The following CENPL variants were observed in gnomAD, a reference collection of about 807,000 sequenced individuals.
CENPL encodes interphase centromere complex protein 33.
Under a neutral mutation model 35.2 loss-of-function variants are expected in CENPL, and 20 were observed. That is an observed-to-expected ratio of 0.57 (90% CI 0.40 to 0.83). The LOEUF is 0.83. CENPL is among the 40% of genes least tolerant of loss of function. CENPL has a pLI of 0.00. For synonymous variants in CENPL, 140 were observed against 140.6 expected, an observed-to-expected ratio of 1.00 and a Z score of 0.03; for missense variants, 363 against 395.8, an observed-to-expected ratio of 0.92 and a Z score of 0.70.
Position 173,824,715 on chromosome 1 carries a change from C to G in CENPL, c.-605G>C. ...CAGCGGCGATCTGTGTTTGGGTTCG[C>G]GCTCTGGGAGAATTTTGGCTTTGCT... On this transcript the variant is annotated 5_prime_UTR_variant, in exon 1 of 6. Transcript: ENST00000682279. 1 of 179,808 alleles carries G rather than the reference C, an allele frequency of 5.6e-6. No individual in the cohort carries two copies. Among genetic ancestry groups the G allele is most frequent in the East Asian group, 1.5e-4 (1 of 6,526 alleles). 11.1% of individuals were successfully genotyped at this position (179,808 alleles called of 1,614,324 possible). A position where few individuals can be genotyped will look rare whatever the true frequency, so the allele number is the denominator to read the frequency against.
At chr1:173,816,879 C>T (rs1274546961) in intron 2 of CENPL, among the ~76,000 whole-genome samples, 3 of 152,166 alleles carry the variant, frequency 2.0e-5, no homozygotes, top group African/African-American at 7.2e-5. Flanking sequence ...GTGGCTCACG[C>T]CTGTAATCTC....
At position 173,815,468 on chromosome 1, in the gene CENPL, C is replaced by T. The variant is rs547852999; in HGVS notation, c.-7-4162G>A. Among the ~76,000 whole-genome samples, 7 of 152,290 alleles carry T rather than the reference C, an allele frequency of 4.6e-5. No individual in the cohort carries two copies. The East Asian group carries it at 1.4e-3, about 29-fold the overall frequency. On this transcript the variant is annotated intron_variant, in intron 2 of 5. Transcript: ENST00000682279. ...TACTGGCAAACTGAATCCAGCAGCA[C>T]ATCAAAAAGCTTATCCACCATGACC... is the stretch of plus-strand genomic sequence containing the variant.
rs1557844491 is a variant in CENPL, at chr1:173,804,126, G to A, written c.421-621C>T. 2.0e-5 allele frequency among the ~76,000 whole-genome samples: 3 copies of A among 152,254 alleles called. No homozygotes were observed. The South Asian group carries it at 6.2e-4, about 32-fold the overall frequency. On this transcript the variant is annotated intron_variant, in intron 4 of 5. Coordinates refer to ENST00000682279, the MANE Select transcript of CENPL (RefSeq NM_001387287.1). ...TCAACTTTAGAAAGAACTGTGAAAG[G>A]TCACAAAATCTAACATGTTTGAATT...
At chr1:173,822,904 A>AT (rs1275572989) in intron 2 of CENPL, 3 of 151,980 alleles carry the variant, frequency 2.0e-5, no homozygotes, top group African/African-American at 7.3e-5. Flanking sequence ...CGCCTGGCTA[A>AT]TTTTTGTATT....
At chr1:173,802,323 A>G (rs1341202348) in intron 5 of CENPL, among the ~76,000 whole-genome samples, 1 of 151,650 alleles carries the variant, frequency 6.6e-6, no homozygotes, top group Non-Finnish European at 1.5e-5. Context: ...CTCCTGCCTC[A>G]GCCTCCCCCA....
chr1:173,809,928 C>T (rs866271511), intron 3 of CENPL, among the ~76,000 whole-genome samples: 84 of 152,202 alleles, frequency 5.5e-4, no homozygotes, highest in African/African-American at 1.9e-3. Flanking sequence ...TGAATTAGTT[C>T]AACCATTGTG....
chr1:173,811,039 G>C, intron 3 of CENPL, 93 bp downstream of exon 3: 1 of 1,132,372 alleles, frequency 8.8e-7, no homozygotes, highest in South Asian at 1.6e-5. Flanking sequence ...GGGTTAAGAA[G>C]ATACTAAGAA....
intron 4 of CENPL, among the ~76,000 whole-genome samples, chr1:173,805,693 T>A (rs12749768): frequency 0.015 from 2,255 of 152,278 alleles, 22 homozygotes; most frequent in Non-Finnish European, 0.022. Context: ...GGAACTTGAA[T>A]ATAATGTTTA....
intron 2 of CENPL, among the ~76,000 whole-genome samples, chr1:173,819,656 G>A (rs1020475664): frequency 9.2e-5 from 14 of 152,130 alleles, no homozygotes; most frequent in African/African-American, 3.1e-4. Context: ...AGTTTTTTAC[G>A]AATAAAAAGT....
intron 4 of CENPL, among the ~76,000 whole-genome samples, chr1:173,806,863 T>A (rs1650278381): frequency 6.6e-6 from 1 of 152,094 alleles, no homozygotes; most frequent in African/African-American, 2.4e-5. Flanking sequence ...GCATGAAGTA[T>A]CACAAAATTT....
Position 173,800,500 on chromosome 1 carries a change from A to T in CENPL, c.983T>A (p.Leu328His). The T allele has an allele frequency of 6.8e-7, 1 of 1,479,094 alleles. No individual in the cohort carries two copies. The highest frequency in any genetic ancestry group is 9.4e-7 in the Non-Finnish European group (1 of 1,060,438). 91.6% of individuals were successfully genotyped at this position (1,479,094 alleles called of 1,614,324 possible). A position where few individuals can be genotyped will look rare whatever the true frequency, so the allele number is the denominator to read the frequency against. The change falls in exon 6 of 6, where the codon CTT becomes CAT. Residue 328 changes from leucine to histidine, a missense_variant. Transcript: ENST00000682279. ...TGTCAAATATGCTAACACTCCAATA[A>T]GGTATTTATGACACAGAATCTGCAA... ...GKIKILCHKY[L>H]IGVLAYLTEL...
chr1:173,820,136 C>T (rs1475031902), intron 2 of CENPL, among the ~76,000 whole-genome samples: 3 of 152,098 alleles, frequency 2.0e-5, no homozygotes, highest in Admixed American at 6.6e-5. Flanking sequence ...GGTCAAGCAT[C>T]CTTAATCCAA....
At chr1:173,811,844 GC>G (rs1650858823) in intron 2 of CENPL, among the ~76,000 whole-genome samples, 2 of 152,244 alleles carry the variant, frequency 1.3e-5, no homozygotes, top group African/African-American at 4.8e-5. Flanking sequence ...TGGAGGGTGA[GC>G]CAAAACAGGG....
At chr1:173,822,790 T>A (rs535904797) in intron 2 of CENPL, 1 of 152,330 alleles carries the variant, frequency 6.6e-6, no homozygotes, top group South Asian at 2.1e-4. Flanking sequence ...CAGGCTGGAG[T>A]GCAGTGGTGC....
At chr1:173,823,879 A>G (rs1381723930) in intron 2 of CENPL, 47 bp downstream of exon 2, 1 of 152,210 alleles carries the variant, frequency 6.6e-6, no homozygotes. Flanking sequence ...ACAACAGGGC[A>G]AATACAAAGT....
chr1:173,819,740 G>A (rs2102612600), intron 2 of CENPL, among the ~76,000 whole-genome samples: 1 of 152,194 alleles, frequency 6.6e-6, no homozygotes, highest in South Asian at 2.1e-4. Flanking sequence ...GGCCTGGGCT[G>A]GAGTGCAATG....
chr1:173,803,400 C>G lies in CENPL; in HGVS notation c.526G>C (p.Glu176Gln), dbSNP rs755636666. ...FGDSLLETVS[E>Q]DFTCLPLFLA... Reference sequence around the variant, plus strand: ...AATAAGGGCAGACAGGTGAAATCTTCTGAAACAGTCTCCAGAAGACTGTCT... The same window carrying G: ...AATAAGGGCAGACAGGTGAAATCTTGTGAAACAGTCTCCAGAAGACTGTCT... Residue 176 changes from glutamate to glutamine, a missense_variant, in exon 5 of 6, where the codon GAA (glutamate) becomes CAA (glutamine). Coordinates refer to ENST00000682279, the MANE Select transcript of CENPL (RefSeq NM_001387287.1). The G allele has an allele frequency of 6.2e-7, 1 of 1,614,104 alleles. No homozygotes were observed. The highest frequency in any genetic ancestry group is 1.1e-5 in the South Asian group (1 of 91,084).
chr1:173,819,232 A>C (rs928899578), intron 2 of CENPL, among the ~76,000 whole-genome samples: 1 of 151,796 alleles, frequency 6.6e-6, no homozygotes, highest in African/African-American at 2.4e-5. Flanking sequence ...AGACCCTCTC[A>C]AGAAAAAAAG....
At chr1:173,808,109 AT>A (rs1461429735) in intron 3 of CENPL, among the ~76,000 whole-genome samples, 1 of 152,162 alleles carries the variant, frequency 6.6e-6, no homozygotes, top group Admixed American at 6.6e-5. Context: ...ATTAGTCTTA[AT>A]TTAAAAAATT....
Sources: allele counts gnomAD v4.1 joint callset (sites outside exome capture counted in the v4.1 genomes callset), GRCh38; gene constraint gnomAD v4.1.1; transcripts MANE v1.5; gene names NCBI Gene and HGNC (gene_info 2026-07-23, HGNC 2026-07-21).